MTCH2: variants seen among roughly 807,000 people sequenced by gnomAD.
MTCH2 encodes mitochondrial carrier 2.
In MTCH2, 25 loss-of-function variants were observed where a neutral mutation model predicts 50.6. That is an observed-to-expected ratio of 0.49 (90% confidence interval 0.36 to 0.69). The LOEUF (loss-of-function observed/expected upper bound fraction) is 0.69, where lower values mean the gene tolerates loss of function less well. Among genes scored for constraint, MTCH2 ranks in the 30% least tolerant of loss-of-function variants. The probability of loss-of-function intolerance (pLI) is 0.00; values close to 1 mark genes in which losing one functional copy is unlikely to be tolerated. For synonymous variants in MTCH2, 106 were observed against 132.0 expected (o/e 0.80, Z 1.35); for missense variants, 273 against 384.4 (o/e 0.71, Z 2.42).
intron 11 of MTCH2, among the ~76,000 whole-genome samples, chr11:47,624,410 C>T (rs2097296163): frequency 6.6e-6 from 1 of 152,160 alleles, no homozygotes; most frequent in Admixed American, 6.5e-5. Flanking sequence ...TTAAAACTCA[C>T]TTTCTCCATA....
chr11:47,609,626 CAAAAAAAAAAAAAAAA>C, the MTCH2 span, among the ~76,000 whole-genome samples: 1 of 88,164 alleles, frequency 1.1e-5, no homozygotes, highest in Admixed American at 1.2e-4. Flanking sequence ...GACTCTGTCT[CAAAAAAAAAAAAAAAA>C]AAAAAAAAAG....
chr11:47,612,505 G>A (rs1396497074), downstream of MTCH2, among the ~76,000 whole-genome samples: 4 of 151,800 alleles, frequency 2.6e-5, no homozygotes, highest in South Asian at 2.1e-4. Flanking sequence ...CAGAGGTTGC[G>A]GTGAGCCGAG....
At chr11:47,624,622 G>A (rs2097296297) in intron 11 of MTCH2, among the ~76,000 whole-genome samples, 1 of 152,118 alleles carries the variant, frequency 6.6e-6, no homozygotes, top group South Asian at 2.1e-4. Context: ...GCAACAAAGT[G>A]AGACCCTGTG....
At chr11:47,629,075 C>G (rs370389343) in intron 8 of MTCH2, 29 bp from the exon 9 acceptor site, 1 of 1,564,874 alleles carries the variant, frequency 6.4e-7, no homozygotes, top group Non-Finnish European at 8.8e-7. Context: ...AAAATAAGAA[C>G]CAAAAAATGT....
At chr11:47,630,814 T>A (rs1487536982) in intron 7 of MTCH2, among the ~76,000 whole-genome samples, 200 bp from the exon 8 acceptor site, 2 of 152,202 alleles carry the variant, frequency 1.3e-5, no homozygotes, top group Non-Finnish European at 2.9e-5. Flanking sequence ...TATAGTCATA[T>A]GGAGTCAGGG....
At chr11:47,609,457 CAAAA>C in the MTCH2 span, among the ~76,000 whole-genome samples, 6 of 40,138 alleles carry the variant, frequency 1.5e-4, 1 homozygote, top group South Asian at 2.6e-3. Flanking sequence ...GATTCTGTAT[CAAAA>C]AAAAAAAAAA....
chr11:47,614,553 G>A (rs1251580165), downstream of MTCH2, among the ~76,000 whole-genome samples: 8 of 151,742 alleles, frequency 5.3e-5, no homozygotes, highest in African/African-American at 1.7e-4. Context: ...TGCAACCTCC[G>A]CCTCCCACGT....
At chr11:47,609,477 A>AG in the MTCH2 span, among the ~76,000 whole-genome samples, 1 of 147,930 alleles carries the variant, frequency 6.8e-6, no homozygotes. Context: ...AAAAAAAAAA[A>AG]AAAGCCAGGC....
At chr11:47,636,617 A>C (rs2097308841) in intron 3 of MTCH2, among the ~76,000 whole-genome samples, 1 of 151,894 alleles carries the variant, frequency 6.6e-6, no homozygotes, top group South Asian at 2.1e-4. Flanking sequence ...CTGTAATCCC[A>C]GCTACGTGGG....
intron 7 of MTCH2, 113 bp from the exon 8 acceptor site, chr11:47,630,727 C>T (rs1393072848): frequency 3.1e-6 from 3 of 977,648 alleles, no homozygotes; most frequent in South Asian, 3.0e-5. Flanking sequence ...CCTTCCCTCA[C>T]ACTTTTCTAG....
downstream of MTCH2, among the ~76,000 whole-genome samples, chr11:47,614,269 T>C (rs2097287134): frequency 6.6e-6 from 1 of 152,004 alleles, no homozygotes; most frequent in Non-Finnish European, 1.5e-5. Context: ...TTCCTGACTA[T>C]GATTTCGAGT....
chr11:47,628,985 A>G lies in MTCH2; in HGVS notation c.601T>C (p.Tyr201His). 6.2e-7 allele frequency: 1 copy of G among 1,614,072 alleles called. No homozygotes were observed. Among genetic ancestry groups the G allele is most frequent in the Non-Finnish European group, 8.5e-7 (1 of 1,179,980 alleles). ...LSLWLCNSLA[Y>H]LVNTYALDSG... ...TCCAGTGCATAGGTATTGACGAGGT[A>G]GGCCAGTGAGTTACACAGCCACAAA... The change falls in exon 9 of 13, where the codon TAC becomes CAC. Residue 201 changes from tyrosine (Y) to histidine (H), a missense_variant. This residue lies in a region of MTCH2 where 70 missense variants were observed against 140.1 expected (regional missense o/e 0.50). Transcript: ENST00000302503.
At chr11:47,634,599 T>C (rs1328297409) in intron 5 of MTCH2, 73 bp downstream of exon 5, 10 of 1,173,110 alleles carry the variant, frequency 8.5e-6, no homozygotes, top group Non-Finnish European at 1.0e-5. Context: ...ACAGGCCTGA[T>C]GATTCTGATT....
At chr11:47,608,331 C>T in the MTCH2 span, among the ~76,000 whole-genome samples, 2 of 152,058 alleles carry the variant, frequency 1.3e-5, no homozygotes, top group African/African-American at 2.4e-5. Flanking sequence ...ACCATGGTAT[C>T]CAGGCTTATG....
chr11:47,641,816 A>C (rs767242057), intron 1 of MTCH2, among the ~76,000 whole-genome samples: 2 of 152,176 alleles, frequency 1.3e-5, no homozygotes, highest in African/African-American at 4.8e-5. Flanking sequence ...CCCCTTCATT[A>C]ACACTTCTGA....
chr11:47,637,578 G>A (rs115939787), intron 3 of MTCH2, among the ~76,000 whole-genome samples: 56 of 151,986 alleles, frequency 3.7e-4, no homozygotes, highest in African/African-American at 1.2e-3. Context: ...GGAATTTTTT[G>A]TGGCGTATTT....
intron 12 of MTCH2, 80 bp from the exon 13 acceptor site, chr11:47,618,999 A>G (rs1036008215): frequency 5.6e-6 from 7 of 1,251,448 alleles, no homozygotes; most frequent in Middle Eastern, 1.9e-4. Flanking sequence ...GAGAGGTCCA[A>G]TTGGGAGACG....
Position 47,642,552 on chromosome 11 carries a change from G to C in MTCH2, c.-87C>G, listed in dbSNP as rs1414076763. On this transcript the variant is annotated 5_prime_UTR_variant, in exon 1 of 13. Transcript: ENST00000302503. Reference sequence around the variant, plus strand: ...CCTAGGTCACGTGCCAGGGCCGCCGGTTTCACTGGCCCGCCCGCGGCGCGC... The same window carrying C: ...CCTAGGTCACGTGCCAGGGCCGCCGCTTTCACTGGCCCGCCCGCGGCGCGC... The C allele has an allele frequency of 4.8e-6, 6 of 1,244,092 alleles. No individual in the cohort carries two copies. The highest frequency in any genetic ancestry group is 6.6e-6 in the Non-Finnish European group (6 of 915,294). 77.1% of individuals were successfully genotyped at this position (1,244,092 alleles called of 1,614,324 possible).
chr11:47,632,454 C>T (rs903522347), intron 5 of MTCH2, among the ~76,000 whole-genome samples: 6 of 150,638 alleles, frequency 4.0e-5, no homozygotes, highest in Admixed American at 1.3e-4. Context: ...CCCGGGTTCA[C>T]GCCATTCTCC....
Sources: allele counts gnomAD v4.1 joint callset (sites outside exome capture counted in the v4.1 genomes callset), GRCh38; gene constraint gnomAD v4.1.1; regional missense constraint gnomAD v4.1.1; transcripts MANE v1.5; gene names NCBI Gene and HGNC (gene_info 2026-07-23, HGNC 2026-07-21).